Variants in CAPN5 observed in about 807,000 individuals in gnomAD.
CAPN5 encodes the protein calpain-5.
A neutral mutation model predicts 73.0 loss-of-function variants in CAPN5; 54 were observed. That is an observed-to-expected ratio of 0.74 (90% CI 0.59 to 0.93). The LOEUF (loss-of-function observed/expected upper bound fraction) is 0.93. Ranked by LOEUF, CAPN5 falls within the 40% of genes least tolerant of loss-of-function variation. The probability of loss-of-function intolerance (pLI) is 0.00; values close to 1 mark genes in which losing one functional copy is unlikely to be tolerated. For synonymous variants in CAPN5, 335 were observed against 356.9 expected, an observed-to-expected ratio of 0.94 and a Z score of 0.69; for missense variants, 785 against 882.9, an observed-to-expected ratio of 0.89 and a Z score of 1.41.
At position 77,124,080 on chromosome 11, in the gene CAPN5, C is replaced by T; in HGVS notation, c.*210C>T. 2 of 583,390 alleles carry T rather than the reference C, an allele frequency of 3.4e-6. No individual in the cohort carries two copies. The highest frequency in any genetic ancestry group is 6.1e-6 in the Non-Finnish European group (2 of 329,642). The allele number at this position is 583,390 out of a possible 1,614,324, so 36.1% of individuals were successfully genotyped here. ...CCATTCTCGTGGAGGAGTTTCCTTG[C>T]TGAGATTTCAAATAGTCCTCCCCAC... is the stretch of plus-strand genomic sequence containing the variant. On this transcript the variant is annotated 3_prime_UTR_variant, in exon 13 of 13. Coordinates refer to ENST00000648180, the MANE Select transcript of CAPN5 (RefSeq NM_004055.5).
chr11:77,102,020 G>T (rs1198916893), intron 3 of CAPN5, among the ~76,000 whole-genome samples: 3 of 152,162 alleles, frequency 2.0e-5, no homozygotes, highest in Non-Finnish European at 4.4e-5. Context: ...AATGCTCAAG[G>T]CACAGTCCCT....
Position 77,112,771 on chromosome 11 carries a change from C to T in CAPN5, c.480C>T (p.Cys160=), listed in dbSNP as rs1184235273. The change falls in exon 4 of 13, where the codon TGC becomes TGT. Residue 160 remains cysteine (C), a synonymous_variant. Coordinates refer to ENST00000648180, the MANE Select transcript of CAPN5 (RefSeq NM_004055.5). ...CHSNSRNEFW[C]ALVEKAYAKL... ...CCAACTCCCGCAATGAGTTTTGGTG[C>T]GCCCTAGTGGAGAAGGCCTATGCCA... The T allele has an allele frequency of 2.4e-5, 38 of 1,614,116 alleles. No individual in the cohort carries two copies. Among genetic ancestry groups the T allele is most frequent in the African/African-American group, 5.3e-5 (4 of 74,940 alleles).
At chr11:77,079,053 A>G (rs1229130888) in intron 1 of CAPN5, among the ~76,000 whole-genome samples, 2 of 152,112 alleles carry the variant, frequency 1.3e-5, no homozygotes, top group African/African-American at 2.4e-5. Flanking sequence ...TATCACATTT[A>G]TTGATTTGCA....
At chr11:77,120,417 A>G in intron 9 of CAPN5, 1 of 332,868 alleles carries the variant, frequency 3.0e-6, no homozygotes, top group Non-Finnish European at 5.4e-6. Context: ...TATACAATCT[A>G]ATGACTTTTG....
chr11:77,067,573 C>G (rs1949856863), intron 1 of CAPN5, among the ~76,000 whole-genome samples: 2 of 151,536 alleles, frequency 1.3e-5, no homozygotes, highest in South Asian at 4.2e-4. Flanking sequence ...CTATCCGCTT[C>G]TTGGCACTAC....
Position 77,114,188 on chromosome 11 carries a change from A to T in CAPN5, c.507-54A>T, listed in dbSNP as rs1201904306. The T allele has an allele frequency of 5.1e-6, 8 of 1,555,128 alleles. No individual in the cohort carries two copies. In the African/African-American group the frequency reaches 1.1e-4, roughly 21 times the overall value. Reference sequence around the variant, plus strand: ...AAAAACCTCCCCTATGAGGTAAAGGATGCAGCCTGGCTGGGGAGCATGAGC... The same window carrying T: ...AAAAACCTCCCCTATGAGGTAAAGGTTGCAGCCTGGCTGGGGAGCATGAGC... On this transcript the variant is annotated intron_variant, in intron 4 of 12. Coordinates refer to ENST00000648180, the MANE Select transcript of CAPN5 (RefSeq NM_004055.5).
chr11:77,103,140 G>A (rs782371518), intron 3 of CAPN5: 1 of 1,613,834 alleles, frequency 6.2e-7, no homozygotes, highest in South Asian at 1.1e-5. Context: ...CCAGCTGCTG[G>A]ACCCCACTGC....
rs555469591 is a variant in CAPN5, at chr11:77,116,925, A to G, written c.971+622A>G. On this transcript the variant is annotated intron_variant, in intron 7 of 12. Coordinates refer to ENST00000648180, the MANE Select transcript of CAPN5 (RefSeq NM_004055.5). ...GGTACATGGGTGAGCTGGGAAGATG[A>G]CAGCAGCTCAGCTTAAAGAGCCCAG... 5.9e-5 allele frequency among the ~76,000 whole-genome samples: 9 copies of G among 152,338 alleles called. No homozygotes were observed. The East Asian group carries it at 1.7e-3, about 29-fold the overall frequency.
At chr11:77,083,314 C>T (rs1481960452) in intron 1 of CAPN5, among the ~76,000 whole-genome samples, 3 of 152,162 alleles carry the variant, frequency 2.0e-5, no homozygotes, top group Non-Finnish European at 4.4e-5. Context: ...TCACTGCCCG[C>T]GCTCGCCTCT....
At chr11:77,093,571 G>T (rs1158909589) in intron 2 of CAPN5, 111 bp from the exon 3 acceptor site, 17 of 1,431,456 alleles carry the variant, frequency 1.2e-5, no homozygotes, top group Non-Finnish European at 1.5e-5. Flanking sequence ...CCATGCTGAT[G>T]ATCACACAGC....
At chr11:77,113,239 C>T (rs1256687307) in intron 4 of CAPN5, among the ~76,000 whole-genome samples, 2 of 152,234 alleles carry the variant, frequency 1.3e-5, no homozygotes, top group Non-Finnish European at 2.9e-5. Context: ...GTCCACCATC[C>T]GCCTCTGCCT....
intron 3 of CAPN5, among the ~76,000 whole-genome samples, chr11:77,098,095 G>T (rs1950232927): frequency 3.5e-5 from 3 of 85,018 alleles, no homozygotes; most frequent in East Asian, 4.3e-4. Flanking sequence ...TGGCCGGGCG[G>T]GGGGCTGACC....
intron 8 of CAPN5, 119 bp from the exon 9 acceptor site, chr11:77,118,911 G>A: frequency 9.1e-7 from 1 of 1,104,232 alleles, no homozygotes; most frequent in African/African-American, 1.5e-5. Flanking sequence ...AGGGACCAAG[G>A]CGCAGAGAGG....
At position 77,123,800 on chromosome 11, in the gene CAPN5, G is replaced by A. The variant is rs782506945; in HGVS notation, c.1853G>A (p.Arg618Gln). 2.3e-5 allele frequency: 37 copies of A among 1,613,840 alleles called. No individual in the cohort carries two copies. Among genetic ancestry groups the A allele is most frequent in the African/African-American group, 1.5e-4 (11 of 75,000 alleles). The change falls in exon 13 of 13, where the codon CGG (arginine) becomes CAG (glutamine). Residue 618 changes from arginine to glutamine, a missense_variant. Coordinates refer to ENST00000648180, the MANE Select transcript of CAPN5 (RefSeq NM_004055.5). The stretch of plus-strand genomic sequence containing the variant: ...CTCCACCTCCGGGACCGAAATAGCC[G>A]GCAGCCCAGCAACCTGCCAGGCACT... ...HTLHLRDRNSRQPSNLPGTVA... is the reference protein window; with the variant it reads ...HTLHLRDRNSQQPSNLPGTVA...
intron 12 of CAPN5, among the ~76,000 whole-genome samples, chr11:77,122,944 TCCATCTCCTGGCTGGGGA>T (rs1359653020): frequency 6.6e-6 from 1 of 152,180 alleles, no homozygotes; most frequent in Non-Finnish European, 1.5e-5. Flanking sequence ...CCCAGCAGGG[TCCATCTCCTGGCTGGGGA>T]CAGCAGTCAT....
chr11:77,088,490 G>A (rs1950115118), intron 2 of CAPN5, among the ~76,000 whole-genome samples: 1 of 152,134 alleles, frequency 6.6e-6, no homozygotes, highest in Non-Finnish European at 1.5e-5. Context: ...CTTGAAGGGT[G>A]CGGACTGCCA....
At chr11:77,098,467 T>C (rs1169989385) in intron 3 of CAPN5, among the ~76,000 whole-genome samples, 1 of 86,982 alleles carries the variant, frequency 1.1e-5, no homozygotes. Context: ...GAGGCGCCCC[T>C]CACCTCCCAG....
At chr11:77,078,368 CA>C (rs1240137356) in intron 1 of CAPN5, among the ~76,000 whole-genome samples, 1 of 152,152 alleles carries the variant, frequency 6.6e-6, no homozygotes, top group Non-Finnish European at 1.5e-5. Flanking sequence ...AATTAATTGA[CA>C]AATTAAATGT....
rs1555042299 is a variant in CAPN5, at chr11:77,119,217, A to T, written c.1290+65A>T. The stretch of plus-strand genomic sequence containing the variant: ...GAGGGAGCTGGAGTTTGGACTGCCC[A>T]TGCCTGAGGAAGAACGCTCTAGAAC... On this transcript the variant is annotated intron_variant, in intron 9 of 12. Coordinates refer to ENST00000648180, the MANE Select transcript of CAPN5 (RefSeq NM_004055.5). The T allele has an allele frequency of 2.0e-6, 3 of 1,537,454 alleles. No individual in the cohort carries two copies. The African/African-American group carries it at 4.1e-5, about 21-fold the overall frequency.
Sources: allele counts gnomAD v4.1 joint callset (sites outside exome capture counted in the v4.1 genomes callset), GRCh38; gene constraint gnomAD v4.1.1; transcripts MANE v1.5; gene names NCBI Gene and HGNC (gene_info 2026-07-23, HGNC 2026-07-21).